Variants in TACR3 observed in about 807,000 individuals in gnomAD.
The protein encoded by TACR3 is tachykinin receptor 3.
Under a neutral mutation model 35.0 loss-of-function variants are expected in TACR3, and 34 were observed. The ratio of observed to expected loss-of-function variants is 0.97; its 90% CI spans 0.74 to 1.30. TACR3 has a LOEUF of 1.30. Ranked by LOEUF, TACR3 falls within the 50% of genes most tolerant of loss-of-function variation. The pLI, the probability that TACR3 is intolerant of heterozygous loss-of-function variation, is 0.00. For synonymous variants in TACR3, 233 were observed against 221.1 expected, an observed-to-expected ratio of 1.05 and a Z score of -0.48; for missense variants, 558 against 591.7, an observed-to-expected ratio of 0.94 and a Z score of 0.59.
At chr4:103,602,783 G>C (rs1335740068) in intron 3 of TACR3, among the ~76,000 whole-genome samples, 1 of 152,178 alleles carries the variant, frequency 6.6e-6, no homozygotes, top group African/African-American at 2.4e-5. Context: ...GCCATGTGAG[G>C]TGTTAGTCCA....
At chr4:103,615,548 A>G (rs1468330037) in intron 3 of TACR3, among the ~76,000 whole-genome samples, 2 of 152,162 alleles carry the variant, frequency 1.3e-5, no homozygotes, top group Non-Finnish European at 2.9e-5. Flanking sequence ...CCAACATAGC[A>G]TATTTCCACA....
At chr4:103,622,176 C>T (rs2110304600) in intron 3 of TACR3, among the ~76,000 whole-genome samples, 1 of 152,182 alleles carries the variant, frequency 6.6e-6, no homozygotes, top group East Asian at 1.9e-4. Flanking sequence ...ACAAAGAAGT[C>T]AAAGGTAACT....
intron 1 of TACR3, among the ~76,000 whole-genome samples, chr4:103,711,898 C>T (rs1722972215): frequency 6.6e-6 from 1 of 152,122 alleles, no homozygotes; most frequent in African/African-American, 2.4e-5. Context: ...TTCACAATTG[C>T]TTCAAAGAGA....
At chr4:103,628,035 C>G (rs1183382852) in intron 3 of TACR3, among the ~76,000 whole-genome samples, 1 of 152,098 alleles carries the variant, frequency 6.6e-6, no homozygotes, top group Admixed American at 6.6e-5. Context: ...CAACTTGCTC[C>G]CGAATGACTA....
chr4:103,704,094 A>T (rs1722727872), intron 1 of TACR3, among the ~76,000 whole-genome samples: 1 of 127,642 alleles, frequency 7.8e-6, no homozygotes, highest in Non-Finnish European at 1.6e-5. Context: ...ACAGAGTGAA[A>T]CTCTATCTCA....
At chr4:103,692,041 C>G (rs1722414941) in intron 1 of TACR3, among the ~76,000 whole-genome samples, 1 of 152,112 alleles carries the variant, frequency 6.6e-6, no homozygotes, top group Non-Finnish European at 1.5e-5. Context: ...TTTAATTCCT[C>G]TAGGAACCTG....
In TACR3 at chr4:103,687,865, A is replaced by C. The variant is rs528651460; in HGVS notation, c.549-29462T>G. On this transcript the variant is annotated intron_variant, in intron 1 of 4. Transcript: ENST00000304883. ...TCAATGCCATCCCCATCAAGCTACCAATGACTTTCTTCACAGAATTAGAAA... is the reference window on the plus strand; with the variant it reads ...TCAATGCCATCCCCATCAAGCTACCCATGACTTTCTTCACAGAATTAGAAA... 5.3e-5 allele frequency among the ~76,000 whole-genome samples: 8 copies of C among 152,254 alleles called. No individual in the cohort carries two copies. The South Asian group carries it at 8.3e-4, about 16-fold the overall frequency.
At chr4:103,656,056 A>C (rs945181483) in intron 3 of TACR3, 138 bp downstream of exon 3, 3 of 1,108,530 alleles carry the variant, frequency 2.7e-6, no homozygotes, top group Non-Finnish European at 3.9e-6. Context: ...AAAGAAAAGA[A>C]AAAAAATTAA....
chr4:103,601,384 C>T (rs965423842), intron 3 of TACR3, among the ~76,000 whole-genome samples: 3 of 152,110 alleles, frequency 2.0e-5, no homozygotes, highest in South Asian at 2.1e-4. Flanking sequence ...AGCCCATTTA[C>T]ATTTAAAGTT....
At position 103,719,204 on chromosome 4, in the gene TACR3, A is replaced by G; in HGVS notation, c.472T>C (p.Cys158Arg). 6.2e-7 allele frequency: 1 copy of G among 1,614,222 alleles called. No homozygotes were observed. Among genetic ancestry groups the G allele is most frequent in the Non-Finnish European group, 8.5e-7 (1 of 1,180,040 alleles). The change falls in exon 1 of 5, where the codon TGC becomes CGC. Residue 158 changes from cysteine to arginine, a missense_variant. By Grantham distance (180) the Cys-to-Arg change is radical. Coordinates refer to ENST00000304883, the MANE Select transcript of TACR3 (RefSeq NM_001059.3). Reference protein sequence around the residue: ...HSEWYFGANYCRFQNFFPITA... With the variant: ...HSEWYFGANYRRFQNFFPITA... The stretch of plus-strand genomic sequence containing the variant: ...ATAGGAAAGAAGTTCTGGAAGCGGC[A>G]GTAGTTGGCGCCAAAGTACCACTCG...
intron 3 of TACR3, among the ~76,000 whole-genome samples, chr4:103,611,185 T>C (rs533314327): frequency 6.6e-6 from 1 of 152,320 alleles, no homozygotes; most frequent in East Asian, 1.9e-4. Context: ...TGATAGGGAT[T>C]GAATTGAATT....
intron 3 of TACR3, among the ~76,000 whole-genome samples, chr4:103,604,695 A>C (rs1254011067): frequency 6.6e-6 from 1 of 152,194 alleles, no homozygotes; most frequent in Non-Finnish European, 1.5e-5. Context: ...ATTTACAAGA[A>C]AAAAAACACC....
intron 1 of TACR3, among the ~76,000 whole-genome samples, chr4:103,706,043 G>C (rs564184931): frequency 6.6e-6 from 1 of 152,256 alleles, no homozygotes; most frequent in East Asian, 1.9e-4. Context: ...AATTTTAGTA[G>C]ACCAGAAAAG....
Position 103,719,323 on chromosome 4 carries a change from G to A in TACR3, c.353C>T (p.Thr118Ile), listed in dbSNP as rs758599840. 6.2e-7 allele frequency: 1 copy of A among 1,614,264 alleles called. No individual in the cohort carries two copies. The highest frequency in any genetic ancestry group is 1.7e-5 in the Admixed American group (1 of 60,032). ...WIILAHKRMR[T>I]VTNYFLVNLA... is the part of the protein sequence containing the mutation. ...GTTCACAAGGAAGTAGTTGGTGACAGTCCTCATGCGCTTGTGGGCCAGGAT... is the reference window on the plus strand; with the variant it reads ...GTTCACAAGGAAGTAGTTGGTGACAATCCTCATGCGCTTGTGGGCCAGGAT... Residue 118 changes from threonine to isoleucine, a missense_variant, in exon 1 of 5, where the codon ACT becomes ATT. By Grantham distance (89) the Thr-to-Ile change is moderately conservative. Coordinates refer to ENST00000304883, the MANE Select transcript of TACR3 (RefSeq NM_001059.3).
chr4:103,666,328 A>C (rs1385367587), intron 1 of TACR3, among the ~76,000 whole-genome samples: 1 of 152,160 alleles, frequency 6.6e-6, no homozygotes, highest in Non-Finnish European at 1.5e-5. Flanking sequence ...TGAGAGAAGG[A>C]AGTTGAACAG....
Position 103,594,096 on chromosome 4 carries a change from G to A in TACR3, c.889-2413C>T, listed in dbSNP as rs1005836229. Among the ~76,000 whole-genome samples, 7 of 152,186 alleles carry A rather than the reference G, an allele frequency of 4.6e-5. 1 individual carries two copies. The South Asian group carries it at 1.4e-3, about 32-fold the overall frequency. Reference sequence around the variant, plus strand: ...TTTGGTTTTCATTTAAGATGGACATGTGTATGTAAAATAAGCATGGAATTT... The same window carrying A: ...TTTGGTTTTCATTTAAGATGGACATATGTATGTAAAATAAGCATGGAATTT... On this transcript the variant is annotated intron_variant, in intron 3 of 4. Transcript: ENST00000304883.
intron 3 of TACR3, among the ~76,000 whole-genome samples, chr4:103,652,978 C>T (rs922824534): frequency 2.0e-5 from 3 of 151,964 alleles, no homozygotes; most frequent in African/African-American, 7.3e-5. Context: ...GAAGGGCCAG[C>T]TATATTTTAA....
chr4:103,669,957 A>T (rs1018967562), intron 1 of TACR3, among the ~76,000 whole-genome samples: 1 of 151,990 alleles, frequency 6.6e-6, no homozygotes, highest in African/African-American at 2.4e-5. Context: ...TAGGTCTTAC[A>T]TATAAGTCTT....
chr4:103,709,889 A>G (rs1183827578), intron 1 of TACR3, among the ~76,000 whole-genome samples: 1 of 152,196 alleles, frequency 6.6e-6, no homozygotes, highest in Non-Finnish European at 1.5e-5. Flanking sequence ...CTTTAAACCA[A>G]CAAAGATCAA....
Sources: allele counts gnomAD v4.1 joint callset (sites outside exome capture counted in the v4.1 genomes callset), GRCh38; gene constraint gnomAD v4.1.1; transcripts MANE v1.5; gene names NCBI Gene and HGNC (gene_info 2026-07-23, HGNC 2026-07-21).